Variants in RORA observed in about 807,000 individuals in gnomAD.
RORA encodes the protein nuclear receptor ROR-alpha.
Under a neutral mutation model 69.5 loss-of-function variants are expected in RORA, and 7 were observed. That is an observed-to-expected ratio of 0.10 (90% CI 0.06 to 0.19). The LOEUF is 0.19. RORA is among the 10% of genes least tolerant of loss of function. RORA has a pLI of 1.00. For synonymous variants in RORA, 261 were observed against 240.8 expected (o/e 1.08, Z -0.78); for missense variants, 457 against 663.0 (o/e 0.69, Z 3.41).
intron 1 of RORA, among the ~76,000 whole-genome samples, chr15:60,893,261 G>C (rs887958783): frequency 3.9e-5 from 6 of 152,210 alleles, no homozygotes; most frequent in Non-Finnish European, 8.8e-5. Context: ...CAGGATGCTC[G>C]ACAGCAATTA....
At chr15:61,144,232 G>A (rs904920212) in intron 1 of RORA, among the ~76,000 whole-genome samples, 2 of 152,218 alleles carry the variant, frequency 1.3e-5, no homozygotes, top group Admixed American at 1.3e-4. Context: ...GTTCAGAGAC[G>A]TTAGGCAGTG....
At chr15:61,078,401 G>A (rs973099423) in intron 1 of RORA, among the ~76,000 whole-genome samples, 2 of 150,834 alleles carry the variant, frequency 1.3e-5, no homozygotes, top group African/African-American at 4.9e-5. Flanking sequence ...GTTTCACCAT[G>A]TTGGCCAGGC....
intron 1 of RORA, among the ~76,000 whole-genome samples, chr15:60,855,904 C>T (rs554573149): frequency 3.3e-5 from 5 of 152,312 alleles, no homozygotes; most frequent in East Asian, 1.9e-4. Context: ...TGTGAGCCAT[C>T]GCACCCAGCC....
chr15:60,514,604 G>A lies in RORA; in HGVS notation c.424+12C>T. The A allele has an allele frequency of 1.2e-6, 2 of 1,613,690 alleles. No homozygotes were observed. Among genetic ancestry groups the A allele is most frequent in the Non-Finnish European group, 1.7e-6 (2 of 1,179,726 alleles). ...CCCGTGCAACTGTACAACTCAAGCT[G>A]TGAGAGCTCACCATCTCGAGACATC... is the stretch of plus-strand genomic sequence containing the variant. On this transcript the variant is annotated intron_variant, in intron 4 of 10. Transcript: ENST00000335670.
At chr15:60,823,478 G>T (rs2072920466) in intron 1 of RORA, among the ~76,000 whole-genome samples, 1 of 152,150 alleles carries the variant, frequency 6.6e-6, no homozygotes. Flanking sequence ...AGGCTTCATG[G>T]ATAGAGGCCA....
At chr15:60,613,410 A>C (rs2140592143) in intron 2 of RORA, among the ~76,000 whole-genome samples, 1 of 152,324 alleles carries the variant, frequency 6.6e-6, no homozygotes, top group South Asian at 2.1e-4. Flanking sequence ...CAAATTAAAA[A>C]GAGCTCTGGA....
intron 1 of RORA, among the ~76,000 whole-genome samples, chr15:60,987,118 A>G (rs928644077): frequency 2.6e-5 from 4 of 152,162 alleles, no homozygotes; most frequent in African/African-American, 9.7e-5. Flanking sequence ...TATTGGTAGC[A>G]TGCTGAGGTC....
At chr15:60,909,727 C>G (rs1380449876) in intron 1 of RORA, among the ~76,000 whole-genome samples, 2 of 152,224 alleles carry the variant, frequency 1.3e-5, no homozygotes, top group Non-Finnish European at 2.9e-5. Flanking sequence ...CTTTTGCCTC[C>G]TAATTCAGCG....
intron 2 of RORA, among the ~76,000 whole-genome samples, chr15:60,591,892 G>A (rs1208585240): frequency 2.6e-5 from 4 of 151,950 alleles, no homozygotes; most frequent in African/African-American, 9.7e-5. Flanking sequence ...CAAGGCCTGG[G>A]GCGCTGACCA....
At chr15:60,778,151 T>C (rs76381780) in intron 1 of RORA, among the ~76,000 whole-genome samples, 1 of 152,316 alleles carries the variant, frequency 6.6e-6, no homozygotes, top group Non-Finnish European at 1.5e-5. Context: ...TATCCAATGC[T>C]CAGTGCTGAG....
At chr15:61,201,936 C>T (rs564454897) in intron 1 of RORA, among the ~76,000 whole-genome samples, 6 of 151,746 alleles carry the variant, frequency 4.0e-5, no homozygotes, top group African/African-American at 1.4e-4. Flanking sequence ...CTATTAGATT[C>T]GATGTAATAT....
chr15:60,597,551 C>CAATATAT (rs1555435946), intron 2 of RORA, among the ~76,000 whole-genome samples: 1 of 25,130 alleles, frequency 4.0e-5, no homozygotes, highest in Non-Finnish European at 7.4e-5. Flanking sequence ...ACACACACAA[C>CAATATAT]ATATATATAT....
chr15:61,039,216 A>G (rs767227842), intron 1 of RORA: 8 of 152,222 alleles, frequency 5.3e-5, no homozygotes, highest in Non-Finnish European at 1.0e-4. Flanking sequence ...GTGCAGGACT[A>G]TCAAGAACAC....
chr15:60,713,381 A>G (rs1170912315), intron 1 of RORA, among the ~76,000 whole-genome samples: 2 of 152,158 alleles, frequency 1.3e-5, no homozygotes, highest in African/African-American at 4.8e-5. Context: ...GCAAAAAGAC[A>G]AAGGGAATGT....
chr15:60,695,130 T>A (rs79384475), intron 1 of RORA, among the ~76,000 whole-genome samples: 1 of 127,342 alleles, frequency 7.9e-6, no homozygotes, highest in African/African-American at 3.0e-5. Flanking sequence ...CCTATGTATG[T>A]ATTCTAGTAC....
intron 1 of RORA, among the ~76,000 whole-genome samples, chr15:60,984,445 T>C (rs1337914240): frequency 1.3e-5 from 2 of 151,018 alleles, no homozygotes; most frequent in African/African-American, 4.9e-5. Flanking sequence ...TAATAATAGT[T>C]ATTATTATAA....
At chr15:60,823,154 C>CT (rs2072916490) in intron 1 of RORA, among the ~76,000 whole-genome samples, 1 of 140,764 alleles carries the variant, frequency 7.1e-6, no homozygotes, top group South Asian at 2.3e-4. Flanking sequence ...CCCTTCCTTT[C>CT]TTTCATTTTC....
intron 1 of RORA, among the ~76,000 whole-genome samples, chr15:60,776,586 C>T (rs1382681414): frequency 6.6e-6 from 1 of 152,214 alleles, no homozygotes; most frequent in Non-Finnish European, 1.5e-5. Context: ...GAGATAGGCA[C>T]AGCAGAGCGT....
chr15:60,868,119 G>C (rs2073510239), intron 1 of RORA, among the ~76,000 whole-genome samples: 4 of 152,098 alleles, frequency 2.6e-5, no homozygotes, highest in Admixed American at 2.6e-4. Flanking sequence ...AAAATGCCTA[G>C]CATGGTGCCA....
Sources: gnomAD v4.1 joint callset for allele counts (sites outside exome capture counted in the v4.1 genomes callset) on GRCh38, gnomAD v4.1.1 for gene constraint, MANE v1.5 for transcripts, NCBI Gene and HGNC (gene_info 2026-07-23, HGNC 2026-07-21) for gene names.